The following GRAMD1B variants were observed in gnomAD, a reference collection of about 807,000 sequenced individuals.
GRAMD1B encodes the protein GRAM domain containing 1B.
Under a neutral mutation model 99.7 loss-of-function variants are expected in GRAMD1B, and 37 were observed. The observed-to-expected ratio is 0.37, with a 90% CI of 0.29 to 0.49. GRAMD1B has a LOEUF of 0.49. GRAMD1B is among the 20% of genes least tolerant of loss of function. GRAMD1B has a pLI of 0.98. For missense variants in GRAMD1B, 888 were observed against 1,009.2 expected (o/e 0.88, Z 1.63); for synonymous variants, 427 against 387.6 (o/e 1.10, Z -1.19).
intron 2 of GRAMD1B, among the ~76,000 whole-genome samples, chr11:123,548,310 A>G (rs1164769631): frequency 4.5e-5 from 4 of 89,880 alleles, no homozygotes; most frequent in African/African-American, 2.4e-4. Flanking sequence ...ATATATATAT[A>G]TATATATATA....
intron 1 of GRAMD1B, among the ~76,000 whole-genome samples, chr11:123,373,733 T>C (rs1156880430): frequency 6.6e-6 from 1 of 151,996 alleles, no homozygotes; most frequent in Non-Finnish European, 1.5e-5. Flanking sequence ...ATTAAGGGAG[T>C]CCTCTAAGAA....
chr11:123,479,574 G>A (rs1274477901), intron 1 of GRAMD1B, among the ~76,000 whole-genome samples: 2 of 152,086 alleles, frequency 1.3e-5, no homozygotes, highest in Non-Finnish European at 2.9e-5. Context: ...TGAAGCAGGG[G>A]TTGGCCAACT....
At chr11:123,486,361 A>G (rs1383157709) in intron 2 of GRAMD1B, among the ~76,000 whole-genome samples, 1 of 152,092 alleles carries the variant, frequency 6.6e-6, no homozygotes, top group East Asian at 1.9e-4. Context: ...CAGCCTGAGA[A>G]ACATGGCAAA....
At chr11:123,376,306 G>C (rs1438994779) in intron 1 of GRAMD1B, among the ~76,000 whole-genome samples, 1 of 152,158 alleles carries the variant, frequency 6.6e-6, no homozygotes, top group Non-Finnish European at 1.5e-5. Context: ...CTTCTAATCA[G>C]ATGGTGTGTA....
At chr11:123,436,903 C>T (rs940211449) in intron 1 of GRAMD1B, among the ~76,000 whole-genome samples, 2 of 152,168 alleles carry the variant, frequency 1.3e-5, no homozygotes, top group African/African-American at 2.4e-5. Context: ...TCCCTCCCCG[C>T]TCACCCTACC....
At chr11:123,460,671 T>C (rs1950368466) in intron 1 of GRAMD1B, among the ~76,000 whole-genome samples, 1 of 152,070 alleles carries the variant, frequency 6.6e-6, no homozygotes, top group Non-Finnish European at 1.5e-5. Flanking sequence ...GCAAATGAAA[T>C]TGGATGGTGG....
chr11:123,403,619 C>T (rs1947751324), intron 1 of GRAMD1B, among the ~76,000 whole-genome samples: 1 of 151,746 alleles, frequency 6.6e-6, no homozygotes, highest in African/African-American at 2.4e-5. Context: ...TCTCGGCTCA[C>T]TACAACCTCT....
intron 2 of GRAMD1B, among the ~76,000 whole-genome samples, chr11:123,548,386 A>C (rs1032821784): frequency 8.9e-5 from 13 of 146,344 alleles, no homozygotes; most frequent in Admixed American, 4.1e-4. Flanking sequence ...ACACACACAC[A>C]CCCAGACAGG....
intron 1 of GRAMD1B, among the ~76,000 whole-genome samples, chr11:123,437,924 G>A (rs1374178241): frequency 2.6e-5 from 4 of 152,278 alleles, no homozygotes; most frequent in East Asian, 1.9e-4. Flanking sequence ...TAGCTTCTCC[G>A]CTCTGTGTGT....
At chr11:123,364,099 T>C (rs1387224795) in intron 1 of GRAMD1B, among the ~76,000 whole-genome samples, 1 of 152,224 alleles carries the variant, frequency 6.6e-6, no homozygotes, top group Admixed American at 6.5e-5. Context: ...TTTTTCCTTA[T>C]ATATTGAAGG....
intron 1 of GRAMD1B, among the ~76,000 whole-genome samples, chr11:123,383,063 G>T (rs1352098414): frequency 6.6e-6 from 1 of 152,166 alleles, no homozygotes; most frequent in Non-Finnish European, 1.5e-5. Flanking sequence ...AAGATGGGGG[G>T]ATCTACTCTA....
rs1955515410 is a variant in GRAMD1B, at chr11:123,626,446, G to A, written c.*3851G>A. 6.6e-6 allele frequency: 1 copy of A among 151,846 alleles called. No individual in the cohort carries two copies. The highest frequency in any genetic ancestry group is 2.4e-5 in the African/African-American group (1 of 41,280). The allele number at this position is 151,846 out of a possible 1,614,324, so 9.4% of individuals were successfully genotyped here. ...GATGAGATCCTGGAGAAAGGACTAGGGGAAGTATCTTTCTGGATGCTTGTG... is the reference window on the plus strand; with the variant it reads ...GATGAGATCCTGGAGAAAGGACTAGAGGAAGTATCTTTCTGGATGCTTGTG... On this transcript the variant is annotated 3_prime_UTR_variant, in exon 20 of 20. Transcript: ENST00000635736.
chr11:123,540,493 G>T (rs1254645949), intron 2 of GRAMD1B, among the ~76,000 whole-genome samples: 8 of 152,128 alleles, frequency 5.3e-5, no homozygotes, highest in African/African-American at 1.9e-4. Context: ...CATTTGTATA[G>T]TATTTTTGCT....
chr11:123,456,424 C>G (rs529956086), intron 1 of GRAMD1B, among the ~76,000 whole-genome samples: 2 of 152,280 alleles, frequency 1.3e-5, no homozygotes, highest in South Asian at 4.1e-4. Context: ...CTAAATACCT[C>G]TGTGACTTTA....
intron 2 of GRAMD1B, among the ~76,000 whole-genome samples, chr11:123,571,382 G>C (rs954289520): frequency 6.6e-6 from 1 of 152,180 alleles, no homozygotes; most frequent in Non-Finnish European, 1.5e-5. Flanking sequence ...ATGCCGCAGA[G>C]AGTCACTGAA....
chr11:123,448,897 T>G (rs565421548), intron 1 of GRAMD1B, among the ~76,000 whole-genome samples: 20 of 152,306 alleles, frequency 1.3e-4, no homozygotes, highest in South Asian at 6.2e-4. Context: ...CTCCTGTGCT[T>G]CTTCTCTCTG....
chr11:123,446,448 G>A (rs1198244319), intron 1 of GRAMD1B, among the ~76,000 whole-genome samples: 2 of 152,136 alleles, frequency 1.3e-5, no homozygotes, highest in African/African-American at 4.8e-5. Flanking sequence ...TTAGAGGCAT[G>A]AGCCACCACG....
chr11:123,600,648 C>A, intron 8 of GRAMD1B, 100 bp downstream of exon 8: 1 of 711,322 alleles, frequency 1.4e-6, no homozygotes, highest in Non-Finnish European at 2.4e-6. Context: ...TAGTATTCTC[C>A]CACTGATGGT....
chr11:123,492,858 T>TCACACACACACACACA lies in GRAMD1B; in HGVS notation c.452+11971_452+11972insCACACACACACACACA, dbSNP rs763283753. Among the ~76,000 whole-genome samples, 502 of 131,782 alleles carry TCACACACACACACACA rather than the reference T, an allele frequency of 3.8e-3. 4 individuals carry two copies. Among genetic ancestry groups the TCACACACACACACACA allele is most frequent in the East Asian group, 0.011 (51 of 4,832 alleles). 86.5% of individuals were successfully genotyped at this position (131,782 alleles called of 152,430 possible). On this transcript the variant is annotated intron_variant, in intron 2 of 19. Transcript: ENST00000635736. The surrounding 1 kb of genome is among the most constrained non-coding windows in gnomAD (Gnocchi z 4.2). ...CTCTCTCTCTCTCTGTCTCTCTCTT[T>TCACACACACACACACA]CACACATACACACACACACACACAC...
Sources: gnomAD v4.1 joint callset for allele counts (sites outside exome capture counted in the v4.1 genomes callset) on GRCh38, gnomAD v4.1.1 for gene constraint, Gnocchi (gnomAD v3.1) non-coding constraint, MANE v1.5 for transcripts, NCBI Gene and HGNC (gene_info 2026-07-23, HGNC 2026-07-21) for gene names.